RASGRF2: variants seen among roughly 807,000 people sequenced by gnomAD.
RASGRF2 encodes the protein Ras protein specific guanine nucleotide releasing factor 2.
In RASGRF2, 76 loss-of-function variants were observed where a neutral mutation model predicts 151.0. The ratio of observed to expected loss-of-function variants is 0.50; its 90% CI spans 0.42 to 0.61. RASGRF2 has a LOEUF of 0.61. RASGRF2 is among the 20% of genes least tolerant of loss of function. RASGRF2 has a pLI of 0.00. For missense variants in RASGRF2, 1,148 were observed against 1,564.6 expected (o/e 0.73, Z 4.49); for synonymous variants, 504 against 566.5 (o/e 0.89, Z 1.57).
chr5:81,201,395 C>G lies in RASGRF2; in HGVS notation c.2859C>G (p.Asp953Glu), dbSNP rs199896660. 2.5e-6 allele frequency: 4 copies of G among 1,613,896 alleles called. No individual in the cohort carries two copies. In the Admixed American group the frequency reaches 5.0e-5, roughly 20 times the overall value. Residue 953 changes from aspartate to glutamate, a missense_variant, in exon 19 of 27, where the codon GAC becomes GAG. Coordinates refer to ENST00000265080, the MANE Select transcript of RASGRF2 (RefSeq NM_006909.3). ...ATTTGCTAGAAGAAGTTTTGCGAGA[C>G]CCAGACCTTCTTCCCCAAGAAAGGA... ...VLNLLEEVLR[D>E]PDLLPQERKA...
chr5:81,094,436 A>G (rs1752479568), intron 11 of RASGRF2, 74 bp downstream of exon 11: 7 of 1,369,302 alleles, frequency 5.1e-6, no homozygotes, highest in East Asian at 2.5e-5. Flanking sequence ...TAAACTCCCT[A>G]AAGTCATTTA....
chr5:81,222,947 G>A (rs1239190812), intron 26 of RASGRF2, among the ~76,000 whole-genome samples: 2 of 152,166 alleles, frequency 1.3e-5, no homozygotes, highest in Non-Finnish European at 2.9e-5. Flanking sequence ...AACTTGACAT[G>A]CAAAAGCCAA....
chr5:81,156,020 T>C (rs560058992), intron 17 of RASGRF2, among the ~76,000 whole-genome samples: 1 of 152,282 alleles, frequency 6.6e-6, no homozygotes, highest in East Asian at 1.9e-4. Flanking sequence ...CCAGGTACTT[T>C]ATGTTCCCCT....
At chr5:81,120,833 T>A (rs1753287617) in intron 15 of RASGRF2, among the ~76,000 whole-genome samples, 2 of 152,236 alleles carry the variant, frequency 1.3e-5, no homozygotes, top group African/African-American at 4.8e-5. Flanking sequence ...TGCGGGCACA[T>A]GCTTGCTAGT....
intron 23 of RASGRF2, 81 bp from the exon 24 acceptor site, chr5:81,215,795 G>T: frequency 7.2e-7 from 1 of 1,396,368 alleles, no homozygotes; most frequent in South Asian, 1.9e-5. Flanking sequence ...CCAAAGAAGA[G>T]AACTGAACAT....
chr5:81,171,548 T>TG (rs1491349146), intron 17 of RASGRF2, among the ~76,000 whole-genome samples: 3 of 64,214 alleles, frequency 4.7e-5, no homozygotes, highest in Non-Finnish European at 6.6e-5. Flanking sequence ...TCCTTTTGTG[T>TG]TTGTGTGTGT....
In RASGRF2 at chr5:81,226,986, T is replaced by C. The variant is rs1449708518; in HGVS notation, c.*1216T>C. On this transcript the variant is annotated 3_prime_UTR_variant, in exon 27 of 27. Transcript: ENST00000265080. ...GGAAGTGACCTTCCTTTTCCCAAGA[T>C]TGTCAGTTGTTGAAGAAATAGGGCT... The C allele has an allele frequency of 1.3e-5, 2 of 152,208 alleles. No individual in the cohort carries two copies. The highest frequency in any genetic ancestry group is 2.9e-5 in the Non-Finnish European group (2 of 68,036). 9.4% of individuals were successfully genotyped at this position (152,208 alleles called of 1,614,324 possible). A position where few individuals can be genotyped will look rare whatever the true frequency, so the allele number is the denominator to read the frequency against.
At chr5:81,083,269 CTTT>C (rs199506836) in intron 7 of RASGRF2, among the ~76,000 whole-genome samples, 8 of 143,012 alleles carry the variant, frequency 5.6e-5, no homozygotes, top group Admixed American at 6.9e-5. Flanking sequence ...AGGGTTCTCA[CTTT>C]TTTTTTTTTT....
intron 2 of RASGRF2, among the ~76,000 whole-genome samples, chr5:81,061,511 C>CT (rs201278544): frequency 0.17 from 24,308 of 142,546 alleles, 2,147 homozygotes; most frequent in Admixed American, 0.25. Flanking sequence ...TTAAGAAGGA[C>CT]TTTTTTTTTT....
At position 81,095,002 on chromosome 5, in the gene RASGRF2, T is replaced by C. The variant is rs755838262; in HGVS notation, c.1755+10T>C. The C allele has an allele frequency of 2.3e-5, 32 of 1,420,898 alleles. 1 individual carries two copies. The African/African-American group carries it at 3.9e-4, about 17-fold the overall frequency. 88.0% of individuals were successfully genotyped at this position (1,420,898 alleles called of 1,614,324 possible). A position where few individuals can be genotyped will look rare whatever the true frequency, so the allele number is the denominator to read the frequency against. ...GAGTGACATCAGTCAGGTAAGAAAG[T>C]GGCTTTTGCCAAATTTTTGTTTTTT... is the stretch of plus-strand genomic sequence containing the variant. On this transcript the variant is annotated intron_variant, in intron 12 of 26. Coordinates refer to ENST00000265080, the MANE Select transcript of RASGRF2 (RefSeq NM_006909.3).
chr5:81,075,006 G>A (rs1751895291), intron 5 of RASGRF2, among the ~76,000 whole-genome samples: 1 of 152,226 alleles, frequency 6.6e-6, no homozygotes, highest in Non-Finnish European at 1.5e-5. Context: ...GAGCAGAGAA[G>A]GGGTGTGATG....
At chr5:80,991,779 A>G (rs532757892) in intron 1 of RASGRF2, among the ~76,000 whole-genome samples, 1 of 152,342 alleles carries the variant, frequency 6.6e-6, no homozygotes, top group South Asian at 2.1e-4. Flanking sequence ...GCCATGTTCA[A>G]ATTGTACAGA....
At chr5:81,072,730 C>T (rs937010994) in intron 4 of RASGRF2, among the ~76,000 whole-genome samples, 2 of 151,954 alleles carry the variant, frequency 1.3e-5, no homozygotes, top group East Asian at 1.9e-4. Flanking sequence ...CAGAGAAACA[C>T]GAGATGGGGT....
In RASGRF2 at chr5:81,132,416, G is replaced by A. The variant is rs369599193; in HGVS notation, c.2686+5253G>A. On this transcript the variant is annotated intron_variant, in intron 17 of 26. Coordinates refer to ENST00000265080, the MANE Select transcript of RASGRF2 (RefSeq NM_006909.3). The stretch of plus-strand genomic sequence containing the variant: ...TAAAAGAGTTTTGTCTTATTTCTCC[G>A]ACTGATCTGGGGAGGTGATACCAGT... Among the ~76,000 whole-genome samples the A allele has an allele frequency of 2.0e-4, 30 of 152,194 alleles. No individual in the cohort carries two copies. In the East Asian group the frequency reaches 5.2e-3, roughly 26 times the overall value.
At chr5:81,194,936 G>A (rs1305902844) in intron 18 of RASGRF2, among the ~76,000 whole-genome samples, 1 of 152,220 alleles carries the variant, frequency 6.6e-6, no homozygotes, top group African/African-American at 2.4e-5. Flanking sequence ...AAATATAAAC[G>A]TCTTGCATTT....
intron 1 of RASGRF2, among the ~76,000 whole-genome samples, chr5:80,974,053 A>T (rs902659168): frequency 1.3e-5 from 2 of 152,186 alleles, no homozygotes; most frequent in Admixed American, 1.3e-4. Context: ...TGCAAGACTA[A>T]TGGGTCAGCT....
At chr5:81,072,893 T>C (rs1246982871) in intron 4 of RASGRF2, among the ~76,000 whole-genome samples, 1 of 152,170 alleles carries the variant, frequency 6.6e-6, no homozygotes, top group African/African-American at 2.4e-5. Context: ...GTCAAGGTGG[T>C]TGCAAGTAAT....
intron 17 of RASGRF2, among the ~76,000 whole-genome samples, chr5:81,178,737 T>C (rs966002889): frequency 6.7e-6 from 1 of 148,516 alleles, no homozygotes; most frequent in Non-Finnish European, 1.5e-5. Context: ...TCAGTGAGTA[T>C]AGACAACTTT....
chr5:81,099,597 C>G (rs1447165909), intron 12 of RASGRF2, among the ~76,000 whole-genome samples: 1 of 152,174 alleles, frequency 6.6e-6, no homozygotes, highest in Non-Finnish European at 1.5e-5. Context: ...GTTATAATTT[C>G]ACTACATCAT....
Sources: allele counts gnomAD v4.1 joint callset (sites outside exome capture counted in the v4.1 genomes callset), GRCh38; gene constraint gnomAD v4.1.1; transcripts MANE v1.5; gene names NCBI Gene and HGNC (gene_info 2026-07-23, HGNC 2026-07-21).